The following IQGAP2 variants were observed in gnomAD, a reference collection of about 807,000 sequenced individuals.
The protein encoded by IQGAP2 is ras GTPase-activating-like protein IQGAP2.
Under a neutral mutation model 201.3 loss-of-function variants are expected in IQGAP2, and 173 were observed. The observed-to-expected ratio is 0.86, with a 90% confidence interval of 0.76 to 0.98. The LOEUF (loss-of-function observed/expected upper bound fraction) is 0.98, where lower values mean the gene tolerates loss of function less well. Among genes scored for constraint, IQGAP2 ranks in the 50% least tolerant of loss-of-function variants. IQGAP2 has a pLI of 0.00. For synonymous variants in IQGAP2, 675 were observed against 673.9 expected, an observed-to-expected ratio of 1.00 and a Z score of -0.03; for missense variants, 1,687 against 1,864.8, an observed-to-expected ratio of 0.90 and a Z score of 1.76.
chr5:76,487,625 C>A (rs1182146794), intron 2 of IQGAP2, among the ~76,000 whole-genome samples: 3 of 152,190 alleles, frequency 2.0e-5, no homozygotes, highest in Non-Finnish European at 2.9e-5. Context: ...TTCACCACCC[C>A]TCCAGGCAGA....
At chr5:76,531,696 T>G (rs1352015138) in intron 2 of IQGAP2, among the ~76,000 whole-genome samples, 1 of 152,244 alleles carries the variant, frequency 6.6e-6, no homozygotes, top group African/African-American at 2.4e-5. Context: ...AAAGAATACA[T>G]GATTATATTT....
intron 13 of IQGAP2, among the ~76,000 whole-genome samples, chr5:76,626,232 C>T (rs1038599177): frequency 6.9e-6 from 1 of 144,076 alleles, no homozygotes; most frequent in Non-Finnish European, 1.5e-5. Flanking sequence ...GCCCTGATCA[C>T]ATTGTATTAT....
At chr5:76,496,778 T>C (rs2086534057) in intron 2 of IQGAP2, among the ~76,000 whole-genome samples, 2 of 93,556 alleles carry the variant, frequency 2.1e-5, no homozygotes, top group Admixed American at 2.0e-4. Flanking sequence ...TCTTTCTTTC[T>C]TTCTTTCTTT....
At chr5:76,506,409 C>A (rs896924521) in intron 2 of IQGAP2, among the ~76,000 whole-genome samples, 2 of 152,152 alleles carry the variant, frequency 1.3e-5, no homozygotes, top group Non-Finnish European at 2.9e-5. Flanking sequence ...TCCCTGAAAG[C>A]AGTGGCATGA....
At chr5:76,546,821 C>G (rs1360805188) in intron 2 of IQGAP2, among the ~76,000 whole-genome samples, 1 of 152,052 alleles carries the variant, frequency 6.6e-6, no homozygotes, top group Admixed American at 6.5e-5. Context: ...CGTTTTCACT[C>G]GAGGGATATT....
rs189241101 is a variant in IQGAP2 at position 76,679,766 on chromosome 5, G to T, written c.3660+2416G>T. Reference sequence around the variant, plus strand: ...CATATGTACCGCCTTTCCAGATTTTGCCCGGTCTTTGTATCACCTCTATTA... The same window carrying T: ...CATATGTACCGCCTTTCCAGATTTTTCCCGGTCTTTGTATCACCTCTATTA... On this transcript the variant is annotated intron_variant, in intron 28 of 35. Coordinates refer to ENST00000274364, the MANE Select transcript of IQGAP2 (RefSeq NM_006633.5). Among the ~76,000 whole-genome samples, 318 of 152,132 alleles carry T rather than the reference G, an allele frequency of 2.1e-3. 3 individuals are homozygous for T. The highest frequency in any genetic ancestry group is 7.2e-3 in the African/African-American group (297 of 41,502).
chr5:76,456,159 G>A (rs1257026111), intron 1 of IQGAP2, among the ~76,000 whole-genome samples: 2 of 152,106 alleles, frequency 1.3e-5, no homozygotes, highest in Non-Finnish European at 2.9e-5. Flanking sequence ...TTTTGCCCTT[G>A]GTAGGGATAT....
intron 4 of IQGAP2, among the ~76,000 whole-genome samples, chr5:76,574,830 T>C (rs558394580): frequency 1.5e-3 from 230 of 152,336 alleles, no homozygotes; most frequent in Middle Eastern, 6.8e-3. Context: ...TACAGAAATA[T>C]TCATTGCAGT....
intron 2 of IQGAP2, among the ~76,000 whole-genome samples, chr5:76,529,363 C>A (rs537363139): frequency 8.5e-5 from 13 of 152,144 alleles, no homozygotes; most frequent in Non-Finnish European, 1.5e-5. Flanking sequence ...GGCGCAGTGG[C>A]TCATGCCTGT....
chr5:76,418,694 G>A (rs923521559), intron 1 of IQGAP2, among the ~76,000 whole-genome samples: 5 of 152,102 alleles, frequency 3.3e-5, no homozygotes, highest in Admixed American at 1.3e-4. Flanking sequence ...ACTACTCTGC[G>A]AGGGAGGGGA....
intron 3 of IQGAP2, among the ~76,000 whole-genome samples, chr5:76,562,948 C>A (rs1470219140): frequency 1.3e-5 from 2 of 152,224 alleles, no homozygotes; most frequent in South Asian, 4.1e-4. Flanking sequence ...GCCAAGAATT[C>A]TTTTCCATTT....
intron 2 of IQGAP2, among the ~76,000 whole-genome samples, chr5:76,504,816 A>G (rs1295786811): frequency 6.6e-6 from 1 of 152,084 alleles, no homozygotes; most frequent in Non-Finnish European, 1.5e-5. Context: ...CTCTGTATTC[A>G]GTACATTTTA....
chr5:76,613,081 G>T (rs1748556191), intron 13 of IQGAP2, among the ~76,000 whole-genome samples: 1 of 152,138 alleles, frequency 6.6e-6, no homozygotes, highest in African/African-American at 2.4e-5. Context: ...TTTGCCAAGC[G>T]CCCCCACTCA....
chr5:76,631,469 G>A (rs1188861840), intron 14 of IQGAP2, among the ~76,000 whole-genome samples: 1 of 152,082 alleles, frequency 6.6e-6, no homozygotes, highest in Non-Finnish European at 1.5e-5. Flanking sequence ...AAAGGATTTT[G>A]CTTATCCTAA....
intron 17 of IQGAP2, among the ~76,000 whole-genome samples, chr5:76,643,918 C>A (rs1006391389): frequency 4.3e-5 from 4 of 93,408 alleles, no homozygotes; most frequent in Non-Finnish European, 7.3e-5. Context: ...TTATAGATGG[C>A]TGGATTTTTT....
chr5:76,503,174 C>CTTTTTTTTTTTTTTTTTTTTT (rs11297908), intron 2 of IQGAP2, among the ~76,000 whole-genome samples: 4 of 109,352 alleles, frequency 3.7e-5, no homozygotes, highest in African/African-American at 7.2e-5. Context: ...CTTTTCTTTT[C>CTTTTTTTTTTTTTTTTTTTTT]TTTTTTTTTT....
intron 2 of IQGAP2, among the ~76,000 whole-genome samples, chr5:76,558,618 G>T (rs2150247777): frequency 6.6e-6 from 1 of 152,274 alleles, no homozygotes; most frequent in Non-Finnish European, 1.5e-5. Flanking sequence ...CATGAGATGT[G>T]AATGATATGC....
At chr5:76,597,320 T>C (rs1472418749) in intron 9 of IQGAP2, 119 bp from the exon 10 acceptor site, 3 of 964,936 alleles carry the variant, frequency 3.1e-6, no homozygotes, top group Non-Finnish European at 4.7e-6. Flanking sequence ...TGCCTGCAGC[T>C]TTTCAGAGTT....
At chr5:76,535,783 C>A (rs929230909) in intron 2 of IQGAP2, among the ~76,000 whole-genome samples, 19 of 152,286 alleles carry the variant, frequency 1.2e-4, no homozygotes, top group Admixed American at 1.0e-3. Flanking sequence ...ACCGGCAGTG[C>A]GCCCAGAGTA....
Sources: allele counts gnomAD v4.1 joint callset (sites outside exome capture counted in the v4.1 genomes callset), GRCh38; gene constraint gnomAD v4.1.1; transcripts MANE v1.5; gene names NCBI Gene and HGNC (gene_info 2026-07-23, HGNC 2026-07-21).